The following S100Z variants were observed in gnomAD, a reference collection of about 807,000 sequenced individuals.
S100Z encodes the protein S100 calcium binding protein Z, also known as protein S100-Z.
In S100Z, 11 loss-of-function variants were observed where a neutral mutation model predicts 8.5. The observed-to-expected ratio is 1.30, with a 90% confidence interval of 0.82 to 2.15. S100Z has a LOEUF of 2.15. Among genes scored for constraint, S100Z ranks in the 30% most tolerant of loss-of-function variants. The pLI is 0.00. For synonymous variants in S100Z, 34 were observed against 43.8 expected, an observed-to-expected ratio of 0.78 and a Z score of 0.89; for missense variants, 126 against 117.9, an observed-to-expected ratio of 1.07 and a Z score of -0.32.
chr5:76,886,513 C>T (rs552384907), intron 4 of S100Z, among the ~76,000 whole-genome samples: 1 of 152,286 alleles, frequency 6.6e-6, no homozygotes, highest in African/African-American at 2.4e-5. Flanking sequence ...AGGTGGATCT[C>T]TTCATGGAGT....
intron 1 of S100Z, among the ~76,000 whole-genome samples, chr5:76,858,765 A>T (rs1274465120): frequency 6.6e-6 from 1 of 152,220 alleles, no homozygotes; most frequent in East Asian, 1.9e-4. Context: ...TACAAAAGAA[A>T]CACTGTAACT....
At chr5:76,950,992 T>A in the S100Z span, among the ~76,000 whole-genome samples, 2 of 152,186 alleles carry the variant, frequency 1.3e-5, no homozygotes, top group African/African-American at 4.8e-5. Context: ...TTTTTCTCGA[T>A]AGCTTGTAGT....
At chr5:76,932,649 T>G in the S100Z span, among the ~76,000 whole-genome samples, 2 of 152,312 alleles carry the variant, frequency 1.3e-5, no homozygotes, top group South Asian at 4.1e-4. Context: ...CCACCGTGCC[T>G]GGCTGTGAAG....
At chr5:76,931,541 A>C in the S100Z span, among the ~76,000 whole-genome samples, 1 of 152,200 alleles carries the variant, frequency 6.6e-6, no homozygotes, top group South Asian at 2.1e-4. Flanking sequence ...TTAGGGCTCC[A>C]GCCTGTGAAT....
At chr5:76,923,013 T>TAA (rs35837978), downstream of S100Z, among the ~76,000 whole-genome samples, 199 of 143,328 alleles carry the variant, frequency 1.4e-3, no homozygotes, top group South Asian at 6.6e-3. Context: ...AATGCCTATG[T>TAA]AAAAAAAAAA....
rs1284020780 is a variant in S100Z, at chr5:76,898,324, T to C, written c.*2+20490T>C. Among the ~76,000 whole-genome samples the C allele has an allele frequency of 3.3e-5, 5 of 152,064 alleles. No individual in the cohort carries two copies. The East Asian group carries it at 9.7e-4, about 29-fold the overall frequency. On this transcript the variant is annotated intron_variant, in intron 4 of 4. Coordinates refer to ENST00000317593, the MANE Select transcript of S100Z (RefSeq NM_130772.4). ...CACATCATGCCTAGCTAGTTTTGTATTTTTAGTAGAGACGGGGTTTCTCCA... is the reference window on the plus strand; with the variant it reads ...CACATCATGCCTAGCTAGTTTTGTACTTTTAGTAGAGACGGGGTTTCTCCA...
At chr5:76,938,717 C>T in the S100Z span, among the ~76,000 whole-genome samples, 2 of 152,128 alleles carry the variant, frequency 1.3e-5, no homozygotes, top group African/African-American at 4.8e-5. Context: ...TTAGTTTTTA[C>T]GTCTATGTGT....
chr5:76,884,207 G>T (rs931123629), intron 4 of S100Z, among the ~76,000 whole-genome samples: 3 of 152,214 alleles, frequency 2.0e-5, no homozygotes, highest in African/African-American at 7.2e-5. Context: ...GCCATGAACT[G>T]GGCTGGGCTT....
At chr5:76,947,814 C>T in the S100Z span, among the ~76,000 whole-genome samples, 6 of 152,184 alleles carry the variant, frequency 3.9e-5, no homozygotes, top group South Asian at 1.2e-3. Context: ...TATCCAAGTG[C>T]AAAATAATAA....
chr5:76,930,124 A>T, the S100Z span, among the ~76,000 whole-genome samples: 2 of 152,248 alleles, frequency 1.3e-5, no homozygotes, highest in African/African-American at 4.8e-5. Flanking sequence ...TTCATCTTTA[A>T]ATCTTTAAAA....
rs558761670 is a variant in S100Z at position 76,915,481 on chromosome 5, G to A, written c.*3-5236G>A. Among the ~76,000 whole-genome samples, 217 of 150,834 alleles carry A rather than the reference G, an allele frequency of 1.4e-3. 1 individual carries two copies. Among genetic ancestry groups the A allele is most frequent in the African/African-American group, 4.8e-3 (197 of 41,002 alleles). ...AAATTAGCCAGGCATGGGGGTGAGCGTCTGTAGTCCTGGCTACTCCGGAGG... is the reference window on the plus strand; with the variant it reads ...AAATTAGCCAGGCATGGGGGTGAGCATCTGTAGTCCTGGCTACTCCGGAGG... On this transcript the variant is annotated intron_variant, in intron 4 of 4. Coordinates refer to ENST00000317593, the MANE Select transcript of S100Z (RefSeq NM_130772.4).
At chr5:76,873,498 G>GA (rs1483815805) in intron 2 of S100Z, among the ~76,000 whole-genome samples, 1 of 152,040 alleles carries the variant, frequency 6.6e-6, no homozygotes, top group Non-Finnish European at 1.5e-5. Flanking sequence ...AGTAGAGACA[G>GA]GGTTTCACCA....
chr5:76,912,946 CAG>C (rs35241891), intron 4 of S100Z, among the ~76,000 whole-genome samples: 93,660 of 150,640 alleles, frequency 0.62, 29,241 homozygotes, highest in Non-Finnish European at 0.64. Context: ...CAGAGAGAGT[CAG>C]AGAGAGGAAG....
At chr5:76,864,402 T>A (rs1219398348) in intron 1 of S100Z, among the ~76,000 whole-genome samples, 8 of 128,146 alleles carry the variant, frequency 6.2e-5, no homozygotes, top group African/African-American at 2.4e-4. Context: ...TTTTTTTTTT[T>A]TTTTTTTTTT....
At chr5:76,875,189 G>T (rs946811886) in intron 2 of S100Z, 115 bp from the exon 3 acceptor site, 7 of 575,464 alleles carry the variant, frequency 1.2e-5, no homozygotes, top group African/African-American at 5.7e-5. Context: ...CCGCGCCTGC[G>T]CAGACTATTA....
chr5:76,930,162 C>A, the S100Z span, among the ~76,000 whole-genome samples: 1 of 152,178 alleles, frequency 6.6e-6, no homozygotes, highest in Admixed American at 6.5e-5. Context: ...TAGAAAACAG[C>A]CAGGGATTTC....
the S100Z span, among the ~76,000 whole-genome samples, chr5:76,950,039 T>G: frequency 6.6e-6 from 1 of 152,142 alleles, no homozygotes; most frequent in African/African-American, 2.4e-5. Context: ...GGAAAACTAT[T>G]TGGTGGTTGT....
chr5:76,922,315 G>A (rs115634289), downstream of S100Z, among the ~76,000 whole-genome samples: 992 of 152,322 alleles, frequency 6.5e-3, 13 homozygotes, highest in African/African-American at 0.022. Context: ...CCAGAGAAGA[G>A]AAGATGTTGG....
intron 4 of S100Z, among the ~76,000 whole-genome samples, chr5:76,906,984 A>G (rs1228086332): frequency 0.014 from 132 of 9,254 alleles, 1 homozygote; most frequent in East Asian, 0.039. Context: ...GTGTATATAT[A>G]TATATATATA....
Sources: allele counts gnomAD v4.1 joint callset (sites outside exome capture counted in the v4.1 genomes callset), GRCh38; gene constraint gnomAD v4.1.1; transcripts MANE v1.5; gene names NCBI Gene and HGNC (gene_info 2026-07-23, HGNC 2026-07-21).